Variants in LRBA observed in about 807,000 individuals in gnomAD.
LRBA encodes lipopolysaccharide-responsive and beige-like anchor protein.
In LRBA, 176 loss-of-function variants were observed where a neutral mutation model predicts 330.0. The ratio of observed to expected loss-of-function variants is 0.53; its 90% CI spans 0.47 to 0.60. The LOEUF is 0.60. Ranked by LOEUF, LRBA falls within the 20% of genes least tolerant of loss-of-function variation. The pLI is 0.00. For synonymous variants in LRBA, 1,230 were observed against 1,193.0 expected (o/e 1.03, Z -0.64); for missense variants, 3,259 against 3,444.8 (o/e 0.95, Z 1.35).
chr4:150,570,409 T>C lies in LRBA; in HGVS notation c.6330+17639A>G, dbSNP rs1385799776. Among the ~76,000 whole-genome samples, 4 of 152,096 alleles carry C rather than the reference T, an allele frequency of 2.6e-5. No homozygotes were observed. The East Asian group carries it at 7.7e-4, about 29-fold the overall frequency. On this transcript the variant is annotated intron_variant, in intron 40 of 56. Transcript: ENST00000651943. ...CCCAGAGTAATTAGTGTTGTCTGAA[T>C]GCAATGACATCTGTGTTCTCATGGT...
chr4:150,605,739 T>G (rs1182368425), intron 37 of LRBA, among the ~76,000 whole-genome samples: 2 of 152,152 alleles, frequency 1.3e-5, no homozygotes, highest in African/African-American at 4.8e-5. Context: ...TCATACAATA[T>G]AAGAGAATGC....
At chr4:150,557,445 A>G (rs1767472372) in intron 40 of LRBA, among the ~76,000 whole-genome samples, 1 of 152,158 alleles carries the variant, frequency 6.6e-6, no homozygotes, top group East Asian at 1.9e-4. Context: ...AGAACTGTTA[A>G]GCGGACTCCA....
intron 43 of LRBA, among the ~76,000 whole-genome samples, chr4:150,470,876 C>CACACACACACACACCA (rs1554034850): frequency 0.015 from 2,223 of 143,668 alleles, 43 homozygotes; most frequent in East Asian, 0.04. Context: ...CACACACACA[C>CACACACACACACACCA]CACACACTAA....
chr4:150,583,624 CG>C lies in LRBA; in HGVS notation c.6330+4423del. 6.2e-7 allele frequency: 1 copy of C among 1,613,804 alleles called. No homozygotes were observed. Among genetic ancestry groups the C allele is most frequent in the Non-Finnish European group, 8.5e-7 (1 of 1,179,982 alleles). On this transcript the variant is annotated intron_variant, in intron 40 of 56. Transcript: ENST00000651943. This position sits in a 1 kb window ranked among gnomAD's most constrained non-coding sequence, Gnocchi z 9.8. Reference sequence around the variant, plus strand: ...CCACATCCCTTGGCCCGGCCCCAATCGGGTGGCCGAGGTCAAGGCCGAAGGG... The same window carrying C: ...CCACATCCCTTGGCCCGGCCCCAATCGGTGGCCGAGGTCAAGGCCGAAGGG...
chr4:150,929,111 A>C, intron 2 of LRBA, 46 bp from the exon 3 acceptor site: 1 of 1,171,124 alleles, frequency 8.5e-7, no homozygotes, highest in African/African-American at 1.5e-5. Flanking sequence ...TAGTATCCTC[A>C]ATATCACTAT....
At chr4:150,778,489 A>G (rs1270179550) in intron 34 of LRBA, among the ~76,000 whole-genome samples, 1 of 152,214 alleles carries the variant, frequency 6.6e-6, no homozygotes, top group Non-Finnish European at 1.5e-5. Context: ...GTTTAGGCAC[A>G]TGAAATATTA....
At chr4:150,375,622 A>ATTT (rs5862917) in intron 47 of LRBA, among the ~76,000 whole-genome samples, 30,458 of 143,180 alleles carry the variant, frequency 0.21, 3,887 homozygotes, top group Non-Finnish European at 0.3. Context: ...CCACACCTGT[A>ATTT]TTTTTTTTTT....
At chr4:150,616,208 G>A (rs1187944075) in intron 37 of LRBA, among the ~76,000 whole-genome samples, 1 of 152,176 alleles carries the variant, frequency 6.6e-6, no homozygotes, top group Non-Finnish European at 1.5e-5. Flanking sequence ...AGACATTGAT[G>A]ACTAGTGTTT....
intron 37 of LRBA, among the ~76,000 whole-genome samples, chr4:150,607,261 T>C (rs1003937022): frequency 1.5e-4 from 23 of 152,110 alleles, no homozygotes; most frequent in East Asian, 7.7e-4. Flanking sequence ...ATCAGGCTTG[T>C]ATGCTACACG....
intron 2 of LRBA, among the ~76,000 whole-genome samples, chr4:150,957,615 T>C (rs1737679204): frequency 6.7e-6 from 1 of 148,686 alleles, no homozygotes; most frequent in South Asian, 2.1e-4. Flanking sequence ...TCTTAACCCA[T>C]TTTAGCATTA....
intron 40 of LRBA, among the ~76,000 whole-genome samples, chr4:150,509,247 A>G (rs912868486): frequency 1.5e-4 from 23 of 152,120 alleles, no homozygotes; most frequent in African/African-American, 5.3e-4. Context: ...AATTTAAAAA[A>G]AGCTATCTGG....
intron 40 of LRBA, among the ~76,000 whole-genome samples, chr4:150,537,724 G>A (rs1292929908): frequency 6.6e-6 from 1 of 152,144 alleles, no homozygotes; most frequent in African/African-American, 2.4e-5. Flanking sequence ...GCTAAGGCAG[G>A]TGGATCACTT....
intron 40 of LRBA, among the ~76,000 whole-genome samples, chr4:150,499,133 C>T (rs902726577): frequency 1.3e-5 from 2 of 152,144 alleles, no homozygotes; most frequent in African/African-American, 2.4e-5. Flanking sequence ...AATTTCTATA[C>T]TCAAAATAAT....
intron 13 of LRBA, among the ~76,000 whole-genome samples, chr4:150,901,770 T>C (rs1157474944): frequency 6.6e-6 from 1 of 152,182 alleles, no homozygotes; most frequent in Non-Finnish European, 1.5e-5. Flanking sequence ...ACCATATATG[T>C]ATCTATACAC....
At position 150,862,843 on chromosome 4, in the gene LRBA, G is replaced by A. The variant is rs910995553; in HGVS notation, c.2766+4828C>T. Among the ~76,000 whole-genome samples the A allele has an allele frequency of 2.0e-5, 3 of 152,062 alleles. No homozygotes were observed. In the South Asian group the frequency reaches 6.2e-4, roughly 32 times the overall value. ...AATACAAAAAAATTAGCTGAGTGTG[G>A]AGGTGCACACCTGTTGTCCCAGCTA... On this transcript the variant is annotated intron_variant, in intron 22 of 56. Transcript: ENST00000651943.
At chr4:150,788,483 A>G (rs1008644923) in intron 34 of LRBA, among the ~76,000 whole-genome samples, 4 of 152,134 alleles carry the variant, frequency 2.6e-5, no homozygotes, top group Non-Finnish European at 5.9e-5. Context: ...TACACAGTAA[A>G]TAAGTAATAG....
intron 34 of LRBA, among the ~76,000 whole-genome samples, chr4:150,770,584 T>TAC (rs1463777085): frequency 1.9e-5 from 1 of 52,414 alleles, no homozygotes; most frequent in East Asian, 3.6e-4. Flanking sequence ...TATATATATA[T>TAC]ATACACACAC....
intron 42 of LRBA, among the ~76,000 whole-genome samples, chr4:150,481,454 CTT>C (rs1757288021): frequency 1.3e-5 from 2 of 151,938 alleles, no homozygotes; most frequent in South Asian, 4.2e-4. Context: ...ATTTATCAAA[CTT>C]AAGTGTACAA....
chr4:150,749,812 G>A (rs1009580079), intron 35 of LRBA, among the ~76,000 whole-genome samples: 5 of 150,924 alleles, frequency 3.3e-5, no homozygotes, highest in African/African-American at 1.2e-4. Flanking sequence ...CATGCCACTC[G>A]TCTATTAAAA....
Sources: gnomAD v4.1 joint callset for allele counts (sites outside exome capture counted in the v4.1 genomes callset) on GRCh38, gnomAD v4.1.1 for gene constraint, Gnocchi (gnomAD v3.1) non-coding constraint, MANE v1.5 for transcripts, NCBI Gene and HGNC (gene_info 2026-07-23, HGNC 2026-07-21) for gene names.